Variants in PTPRD observed in about 807,000 individuals in gnomAD.
PTPRD encodes protein tyrosine phosphatase receptor type D, also known as receptor-type tyrosine-protein phosphatase delta.
PTPRD carries 34 observed loss-of-function variants against 214.5 expected under a neutral mutation model. The observed-to-expected ratio is 0.16, with a 90% confidence interval of 0.12 to 0.21. The LOEUF is 0.21. Among genes scored for constraint, PTPRD ranks in the 10% least tolerant of loss-of-function variants. The pLI is 1.00. For missense variants in PTPRD, 2,545 were observed against 2,398.7 expected, an observed-to-expected ratio of 1.06 and a Z score of -1.27; for synonymous variants, 1,128 against 845.7, an observed-to-expected ratio of 1.33 and a Z score of -5.79.
chr9:10,533,073 G>A (rs973916325), intron 2 of PTPRD, among the ~76,000 whole-genome samples: 8 of 151,948 alleles, frequency 5.3e-5, no homozygotes, highest in Admixed American at 2.6e-4. Context: ...GATTAGCTAC[G>A]GGGTTATTAA....
intron 3 of PTPRD, among the ~76,000 whole-genome samples, chr9:10,125,900 G>A (rs1425390088): frequency 6.6e-6 from 1 of 152,010 alleles, no homozygotes. Flanking sequence ...CATGTAAAAT[G>A]TCTAAAGATA....
chr9:9,808,436 T>C (rs1408131), intron 5 of PTPRD, among the ~76,000 whole-genome samples: 28,291 of 152,002 alleles, frequency 0.19, 3,211 homozygotes, highest in African/African-American at 0.32. Context: ...ACCTAATCAA[T>C]TGACCAGAAA....
At chr9:9,063,618 A>G (rs2099712845) in intron 10 of PTPRD, among the ~76,000 whole-genome samples, 1 of 152,214 alleles carries the variant, frequency 6.6e-6, no homozygotes, top group South Asian at 2.1e-4. Context: ...ATCCAGAACA[A>G]ACACCTAGCA....
At chr9:10,419,129 C>T (rs1223819776) in intron 2 of PTPRD, among the ~76,000 whole-genome samples, 3 of 151,890 alleles carry the variant, frequency 2.0e-5, no homozygotes, top group African/African-American at 2.4e-5. Context: ...GAGGACAAAA[C>T]TTCATAGCAA....
intron 5 of PTPRD, among the ~76,000 whole-genome samples, chr9:9,853,064 C>T (rs890233821): frequency 2.0e-5 from 3 of 152,172 alleles, no homozygotes; most frequent in African/African-American, 7.2e-5. Context: ...AGGTACCATA[C>T]ATTATTTAAG....
intron 3 of PTPRD, among the ~76,000 whole-genome samples, chr9:10,100,805 C>A (rs1219683802): frequency 6.6e-6 from 1 of 151,432 alleles, no homozygotes; most frequent in East Asian, 1.9e-4. Flanking sequence ...TGGGGACGAT[C>A]CTCCTTGTTT....
At chr9:9,654,085 G>T (rs1171397772) in intron 7 of PTPRD, among the ~76,000 whole-genome samples, 1 of 152,078 alleles carries the variant, frequency 6.6e-6, no homozygotes, top group Non-Finnish European at 1.5e-5. Context: ...AAAATAATGG[G>T]CTGGGTTCTG....
intron 3 of PTPRD, among the ~76,000 whole-genome samples, chr9:10,275,121 A>G (rs1213464054): frequency 6.6e-6 from 1 of 152,230 alleles, no homozygotes; most frequent in Non-Finnish European, 1.5e-5. Flanking sequence ...AGGATAGCAC[A>G]TCTAAAAGGA....
rs146838467 is a variant in PTPRD, at chr9:8,751,287, T to C, written c.-103-17341A>G. On this transcript the variant is annotated intron_variant, in intron 11 of 45. Transcript: ENST00000381196. ...TGACATTAGTTCTCATTTGCGTTCC[T>C]GAAAAACGCAAATGGAAAAAATCTG... is the stretch of plus-strand genomic sequence containing the variant. Among the ~76,000 whole-genome samples, 4 of 152,132 alleles carry C rather than the reference T, an allele frequency of 2.6e-5. No individual in the cohort carries two copies. In the East Asian group the frequency reaches 7.7e-4, roughly 29 times the overall value.
chr9:9,904,740 A>G (rs1053818295), intron 5 of PTPRD, among the ~76,000 whole-genome samples: 2 of 152,118 alleles, frequency 1.3e-5, no homozygotes, highest in Non-Finnish European at 2.9e-5. Context: ...ACATCTTTTT[A>G]ATTTGAGAAA....
intron 2 of PTPRD, among the ~76,000 whole-genome samples, chr9:10,521,646 C>T (rs1444305902): frequency 2.0e-5 from 3 of 152,076 alleles, no homozygotes; most frequent in Non-Finnish European, 4.4e-5. Context: ...TAAGACACTG[C>T]CACAGCCATC....
At chr9:10,088,760 T>A (rs948102935) in intron 3 of PTPRD, among the ~76,000 whole-genome samples, 1 of 151,710 alleles carries the variant, frequency 6.6e-6, no homozygotes, top group African/African-American at 2.4e-5. Context: ...CAGTCTGGTG[T>A]AATATACATA....
At chr9:9,041,876 T>C (rs1049217519) in intron 10 of PTPRD, among the ~76,000 whole-genome samples, 1 of 152,044 alleles carries the variant, frequency 6.6e-6, no homozygotes, top group African/African-American at 2.4e-5. Context: ...AAAATAAAAG[T>C]TTACATTTCC....
intron 2 of PTPRD, among the ~76,000 whole-genome samples, chr9:10,496,436 T>C (rs1352434912): frequency 6.6e-6 from 1 of 152,058 alleles, no homozygotes; most frequent in Non-Finnish European, 1.5e-5. Flanking sequence ...TAGCAGCTAA[T>C]TTATTAAATC....
chr9:10,077,991 A>C lies in PTPRD; in HGVS notation c.-544-44201T>G, dbSNP rs1590472606. Among the ~76,000 whole-genome samples, 4 of 152,208 alleles carry C rather than the reference A, an allele frequency of 2.6e-5. No individual in the cohort carries two copies. The South Asian group carries it at 8.3e-4, about 32-fold the overall frequency. On this transcript the variant is annotated intron_variant, in intron 3 of 45. Transcript: ENST00000381196. ...ATATTTGTATCTCCTCTACACTTTA[A>C]AAATAGTAATTGATATATGTAAATT...
intron 2 of PTPRD, among the ~76,000 whole-genome samples, chr9:10,568,512 T>C (rs972842899): frequency 6.6e-6 from 1 of 152,094 alleles, no homozygotes; most frequent in Non-Finnish European, 1.5e-5. Flanking sequence ...AAATGGTATT[T>C]CTAGTTCTAG....
At chr9:9,319,837 T>C (rs34678542) in intron 9 of PTPRD, among the ~76,000 whole-genome samples, 16,624 of 152,170 alleles carry the variant, frequency 0.11, 924 homozygotes, top group Middle Eastern at 0.19. Context: ...TTTTGAATAA[T>C]TTACAATTTA....
chr9:9,578,604 G>A (rs1278857973), intron 7 of PTPRD, among the ~76,000 whole-genome samples: 2 of 152,050 alleles, frequency 1.3e-5, no homozygotes, highest in Admixed American at 1.3e-4. Context: ...TTTAAAGACA[G>A]TTTGTTGGGT....
chr9:10,250,526 T>C (rs1426568675), intron 3 of PTPRD, among the ~76,000 whole-genome samples: 1 of 152,142 alleles, frequency 6.6e-6, no homozygotes, highest in Non-Finnish European at 1.5e-5. Context: ...CAAAATGATA[T>C]TTAGCAAGAG....
Sources: gnomAD v4.1 joint callset for allele counts (sites outside exome capture counted in the v4.1 genomes callset) on GRCh38, gnomAD v4.1.1 for gene constraint, MANE v1.5 for transcripts, NCBI Gene and HGNC (gene_info 2026-07-23, HGNC 2026-07-21) for gene names.